Variants in ACAD9 observed in about 807,000 individuals in gnomAD.
ACAD9 encodes complex I assembly factor ACAD9, mitochondrial.
In ACAD9, 53 loss-of-function variants were observed where a neutral mutation model predicts 70.2. The ratio of observed to expected loss-of-function variants is 0.75; its 90% CI spans 0.61 to 0.95. The LOEUF (loss-of-function observed/expected upper bound fraction) is 0.95. ACAD9 is among the 40% of genes least tolerant of loss of function. The probability of loss-of-function intolerance (pLI) is 0.00; values close to 1 mark genes in which losing one functional copy is unlikely to be tolerated. For missense variants in ACAD9, 777 were observed against 802.8 expected, an observed-to-expected ratio of 0.97 and a Z score of 0.39; for synonymous variants, 313 against 312.1, an observed-to-expected ratio of 1.00 and a Z score of -0.03.
At chr3:128,908,837 T>C in intron 13 of ACAD9, 136 bp from the exon 14 acceptor site, 1 of 1,420,562 alleles carries the variant, frequency 7.0e-7, no homozygotes, top group African/African-American at 1.4e-5. Flanking sequence ...TTGGGGGGGT[T>C]CAGGCTGTAG....
intron 17 of ACAD9, 137 bp downstream of exon 17, chr3:128,910,950 G>A: frequency 9.4e-7 from 1 of 1,068,748 alleles, no homozygotes; most frequent in Non-Finnish European, 1.4e-6. Context: ...GAGGGCCTGG[G>A]TAGGCCTGGG....
rs764534561 is a variant in ACAD9 at position 128,912,510 on chromosome 3, C to A, written c.1769C>A (p.Ala590Asp). The change falls in exon 18 of 18, where the codon GCT becomes GAT. Residue 590 changes from alanine to aspartate, a missense_variant. By Grantham distance (126) the Ala-to-Asp change is moderately radical. Coordinates refer to ENST00000308982, the MANE Select transcript of ACAD9 (RefSeq NM_014049.5). The stretch of plus-strand genomic sequence containing the variant: ...CATCTCTCCTTTTCCTTCCCAGATG[C>A]TCCAGAAAACCTAGATGAGCAGATT... ...LFSLSQLDKY[A>D]PENLDEQIKK... 6.2e-7 allele frequency: 1 copy of A among 1,613,526 alleles called. No individual in the cohort carries two copies. The highest frequency in any genetic ancestry group is 1.7e-5 in the Admixed American group (1 of 60,012).
At chr3:128,883,438 A>G (rs1302551587) in intron 1 of ACAD9, among the ~76,000 whole-genome samples, 1 of 147,608 alleles carries the variant, frequency 6.8e-6, no homozygotes, top group East Asian at 2.0e-4. Flanking sequence ...GCTCACTGCA[A>G]CCTCCACCTC....
chr3:128,901,276 CT>C lies in ACAD9; in HGVS notation c.811del (p.Cys271ValfsTer27), dbSNP rs1224799827. 6.2e-7 allele frequency: 1 copy of C among 1,613,968 alleles called. No individual in the cohort carries two copies. ...EDKLGIRGSN[T>X]CEVHFENTKI... ...ATATCTTAAATTTCATGTGTTTCAG[CT>C]TGTGAAGTCCATTTTGAAAACACCA... On this transcript the variant is annotated frameshift_variant and splice_region_variant, in exon 8 of 18. Coordinates refer to ENST00000308982, the MANE Select transcript of ACAD9 (RefSeq NM_014049.5). LOFTEE classifies it high-confidence loss of function.
chr3:128,908,311 AG>A (rs1935965617), intron 13 of ACAD9, 47 bp downstream of exon 13: 7 of 1,603,174 alleles, frequency 4.4e-6, no homozygotes, highest in Non-Finnish European at 5.1e-6. Flanking sequence ...ATACCTGCCC[AG>A]CAGGGGCCAG....
At chr3:128,897,779 C>G (rs547447437) in intron 6 of ACAD9, 69 bp downstream of exon 6, 4 of 1,356,108 alleles carry the variant, frequency 2.9e-6, no homozygotes, top group Admixed American at 1.9e-5. Context: ...AGTGAGCACT[C>G]TCCACACACC....
intron 2 of ACAD9, among the ~76,000 whole-genome samples, chr3:128,891,106 T>C (rs931403066): frequency 5.9e-5 from 9 of 152,098 alleles, no homozygotes; most frequent in Non-Finnish European, 1.0e-4. Flanking sequence ...CCTAAAGTGC[T>C]GGGATTATAG....
At position 128,881,053 on chromosome 3, in the gene ACAD9, T is replaced by C. The variant is rs557952349; in HGVS notation, c.150+1212T>C. 7.9e-5 allele frequency among the ~76,000 whole-genome samples: 12 copies of C among 152,346 alleles called. No homozygotes were observed. The South Asian group carries it at 2.5e-3, about 32-fold the overall frequency. The stretch of plus-strand genomic sequence containing the variant: ...ATCACAGAAGTTATTCCCTGGCTTC[T>C]CTTTGGAACGTTCCTCTGAGGTTGT... On this transcript the variant is annotated intron_variant, in intron 1 of 17. Transcript: ENST00000308982.
At chr3:128,883,092 G>GTT (rs1188672190) in intron 1 of ACAD9, among the ~76,000 whole-genome samples, 2 of 135,574 alleles carry the variant, frequency 1.5e-5, no homozygotes, top group African/African-American at 2.7e-5. Flanking sequence ...TTTTTTTCTT[G>GTT]TTTTTTTTTT....
At chr3:128,904,218 C>T in intron 10 of ACAD9, 86 bp downstream of exon 10, 1 of 1,583,180 alleles carries the variant, frequency 6.3e-7, no homozygotes. Context: ...CTGGTGACTT[C>T]TGTGGTGATT....
intron 4 of ACAD9, 71 bp from the exon 5 acceptor site, chr3:128,896,365 A>G: frequency 6.8e-7 from 1 of 1,467,366 alleles, no homozygotes; most frequent in Non-Finnish European, 9.5e-7. Context: ...TCAGAAAGGA[A>G]ATGTTTCACA....
intron 7 of ACAD9, among the ~76,000 whole-genome samples, chr3:128,899,825 G>T (rs1276729566): frequency 6.6e-6 from 1 of 152,152 alleles, no homozygotes; most frequent in Non-Finnish European, 1.5e-5. Flanking sequence ...CTGGCAGCCT[G>T]CTTCAGGCTG....
intron 15 of ACAD9, chr3:128,909,818 C>T: frequency 1.4e-6 from 1 of 738,492 alleles, no homozygotes; most frequent in Non-Finnish European, 2.2e-6. Flanking sequence ...CTTAACCCCT[C>T]CCTGAATCTA....
chr3:128,881,104 A>C (rs573323197), intron 1 of ACAD9, among the ~76,000 whole-genome samples: 6 of 152,186 alleles, frequency 3.9e-5, no homozygotes, highest in Non-Finnish European at 8.8e-5. Flanking sequence ...ATAGCAAGCA[A>C]CTTTACAGAT....
chr3:128,909,103 A>C lies in ACAD9; in HGVS notation c.1485+4A>C, dbSNP rs1936017785. 1 of 1,613,916 alleles carries C rather than the reference A, an allele frequency of 6.2e-7. No individual in the cohort carries two copies. On this transcript the variant is annotated splice_donor_region_variant and intron_variant, in intron 14 of 17. Coordinates refer to ENST00000308982, the MANE Select transcript of ACAD9 (RefSeq NM_014049.5). Reference sequence around the variant, plus strand: ...AGTTGTGCACCCCAGTCTTGCGGTGAGTGGGCCTAACAGGCATACCCCCTA... The same window carrying C: ...AGTTGTGCACCCCAGTCTTGCGGTGCGTGGGCCTAACAGGCATACCCCCTA...
At chr3:128,884,549 C>T (rs1260149543) in intron 1 of ACAD9, 104 bp from the exon 2 acceptor site, 1 of 816,936 alleles carries the variant, frequency 1.2e-6, no homozygotes, top group Non-Finnish European at 2.0e-6. Flanking sequence ...TCCCGCTGGC[C>T]AGGGTGGAGT....
At chr3:128,906,820 A>G (rs1370530931) in intron 12 of ACAD9, among the ~76,000 whole-genome samples, 3 of 152,088 alleles carry the variant, frequency 2.0e-5, no homozygotes, top group Non-Finnish European at 4.4e-5. Flanking sequence ...GGTGTTGAAG[A>G]AGGTATATGG....
At chr3:128,891,936 G>T (rs1313374802) in intron 2 of ACAD9, among the ~76,000 whole-genome samples, 1 of 152,172 alleles carries the variant, frequency 6.6e-6, no homozygotes, top group Non-Finnish European at 1.5e-5. Context: ...ATAAACAGTT[G>T]TACACCCATA....
rs997610175 is a variant in ACAD9, at chr3:128,887,642, T to A, written c.244+2896T>A. ...ATAAAAATAAAAATAAAAAAATAAA[T>A]AAATATATATATATATATATATATA... On this transcript the variant is annotated intron_variant, in intron 2 of 17. Transcript: ENST00000308982. Among the ~76,000 whole-genome samples the A allele has an allele frequency of 2.1e-4, 20 of 93,314 alleles. No homozygotes were observed. The East Asian group carries it at 2.5e-3, about 12-fold the overall frequency. The allele number at this position is 93,314 out of a possible 152,430, so 61.2% of individuals were successfully genotyped here.
Sources: allele counts gnomAD v4.1 joint callset (sites outside exome capture counted in the v4.1 genomes callset), GRCh38; gene constraint gnomAD v4.1.1; transcripts MANE v1.5; gene names NCBI Gene and HGNC (gene_info 2026-07-23, HGNC 2026-07-21).